The following MYBPC1 variants were observed in gnomAD, a reference collection of about 807,000 sequenced individuals.
MYBPC1 encodes the protein myosin binding protein C1.
In MYBPC1, 52 loss-of-function variants were observed where a neutral mutation model predicts 147.1. The ratio of observed to expected loss-of-function variants is 0.35; its 90% CI spans 0.28 to 0.45. The LOEUF (loss-of-function observed/expected upper bound fraction) is 0.45. MYBPC1 is among the 20% of genes least tolerant of loss of function. The pLI is 1.00. For missense variants in MYBPC1, 1,228 were observed against 1,440.3 expected (o/e 0.85, Z 2.39); for synonymous variants, 477 against 475.9 (o/e 1.00, Z -0.03).
In MYBPC1 at chr12:101,651,399, C is replaced by T. The variant is rs182084828; in HGVS notation, c.1526+6C>T. On this transcript the variant is annotated splice_donor_region_variant and intron_variant, in intron 16 of 31. Coordinates refer to ENST00000361466, the MANE Select transcript of MYBPC1 (RefSeq NM_002465.4). The stretch of plus-strand genomic sequence containing the variant: ...AAGGTGGTTCACAAGGGAAGGTAAG[C>T]GAGCCAGGTGACCCGCAAGTGAGGT... 3,556 of 1,613,906 alleles carry T rather than the reference C, an allele frequency of 2.2e-3. 38 individuals carry two copies. The highest frequency in any genetic ancestry group is 9.4e-4 in the Non-Finnish European group (1,105 of 1,179,834).
rs191920926 is a variant in MYBPC1 at position 101,676,586 on chromosome 12, C to G, written c.2950-649C>G. On this transcript the variant is annotated intron_variant, in intron 26 of 31. Coordinates refer to ENST00000361466, the MANE Select transcript of MYBPC1 (RefSeq NM_002465.4). Reference sequence around the variant, plus strand: ...CCTGGACAACATAGGGAGACCTCCTCTCTCTAAAAAATAAATTAGCTGGGT... The same window carrying G: ...CCTGGACAACATAGGGAGACCTCCTGTCTCTAAAAAATAAATTAGCTGGGT... Among the ~76,000 whole-genome samples, 167 of 152,078 alleles carry G rather than the reference C, an allele frequency of 1.1e-3. 3 individuals carry two copies. The highest frequency in any genetic ancestry group is 1.5e-4 in the Non-Finnish European group (10 of 67,980).
chr12:101,667,974 T>C (rs1314512193), intron 23 of MYBPC1, 75 bp downstream of exon 23: 20 of 1,493,434 alleles, frequency 1.3e-5, no homozygotes, highest in African/African-American at 2.8e-5. Flanking sequence ...CTACTTTCTT[T>C]CTCAAAACCT....
chr12:101,649,861 A>G (rs971973200), intron 15 of MYBPC1, among the ~76,000 whole-genome samples: 2 of 152,256 alleles, frequency 1.3e-5, no homozygotes, highest in African/African-American at 4.8e-5. Context: ...AGTAGGCTTC[A>G]GAGGCATGAG....
chr12:101,644,120 T>C (rs7133361), intron 11 of MYBPC1, among the ~76,000 whole-genome samples: 23,392 of 152,156 alleles, frequency 0.15, 1,946 homozygotes, highest in Middle Eastern at 0.27. Flanking sequence ...CACTGCAACC[T>C]CTGCCTCCCA....
chr12:101,597,187 G>T (rs545700040), intron 1 of MYBPC1, among the ~76,000 whole-genome samples: 12 of 152,252 alleles, frequency 7.9e-5, no homozygotes, highest in Admixed American at 1.3e-4. Context: ...TAGTTTGATT[G>T]CATATAAGCC....
chr12:101,641,115 G>GAAAAAAAAA (rs34380289), intron 10 of MYBPC1, among the ~76,000 whole-genome samples: 2 of 105,964 alleles, frequency 1.9e-5, no homozygotes, highest in Non-Finnish European at 3.8e-5. Context: ...CTGTCTCAAA[G>GAAAAAAAAA]AAAAAAAAAA....
At position 101,677,091 on chromosome 12, in the gene MYBPC1, A is replaced by G. The variant is rs1900166981; in HGVS notation, c.2950-144A>G. 5 of 748,324 alleles carry G rather than the reference A, an allele frequency of 6.7e-6. 1 individual carries two copies. The Admixed American group carries it at 1.4e-4, about 21-fold the overall frequency. The allele number at this position is 748,324 out of a possible 1,614,324, so 46.4% of individuals were successfully genotyped here. A position where few individuals can be genotyped will look rare whatever the true frequency, so the allele number is the denominator to read the frequency against. On this transcript the variant is annotated intron_variant, in intron 26 of 31. Coordinates refer to ENST00000361466, the MANE Select transcript of MYBPC1 (RefSeq NM_002465.4). ...TTGTTTCAACACATTTTAACAACAT[A>G]TATTATTACTCTCCATATAAAAATG...
rs146599952 is a variant in MYBPC1 at position 101,620,816 on chromosome 12, T to C, written c.103+3573T>C. On this transcript the variant is annotated intron_variant, in intron 3 of 31. Transcript: ENST00000361466. Reference sequence around the variant, plus strand: ...TTACATCTTATTAGCTTAGAGTCTGTATCTTTTCAATTGGTAAAGTTACTT... The same window carrying C: ...TTACATCTTATTAGCTTAGAGTCTGCATCTTTTCAATTGGTAAAGTTACTT... Among the ~76,000 whole-genome samples, 1,631 of 152,346 alleles carry C rather than the reference T, an allele frequency of 0.011. 48 individuals carry two copies. The South Asian group carries it at 0.12, about 11-fold the overall frequency.
chr12:101,689,485 G>A (rs193017179), downstream of MYBPC1, among the ~76,000 whole-genome samples: 5 of 152,244 alleles, frequency 3.3e-5, no homozygotes, highest in South Asian at 2.1e-4. Flanking sequence ...CCTGACAAGC[G>A]TGGACCTGGG....
chr12:101,601,507 T>G (rs1233193335), intron 1 of MYBPC1, among the ~76,000 whole-genome samples: 3 of 152,194 alleles, frequency 2.0e-5, no homozygotes, highest in Non-Finnish European at 4.4e-5. Context: ...GAGACCAGAA[T>G]CATTCAATCT....
downstream of MYBPC1, among the ~76,000 whole-genome samples, chr12:101,686,699 G>A (rs1464932037): frequency 6.6e-6 from 1 of 152,032 alleles, no homozygotes; most frequent in East Asian, 1.9e-4. Flanking sequence ...TGACTTGTTG[G>A]TGGGCCCATG....
At chr12:101,661,331 G>A in intron 20 of MYBPC1, 69 bp downstream of exon 20, 1 of 987,604 alleles carries the variant, frequency 1.0e-6, no homozygotes, top group Non-Finnish European at 1.6e-6. Context: ...TCTTAGTACA[G>A]AGCACATTTT....
chr12:101,608,862 C>A lies in MYBPC1; in HGVS notation c.26-5634C>A, dbSNP rs543045393. 2.3e-4 allele frequency among the ~76,000 whole-genome samples: 35 copies of A among 152,240 alleles called. 1 individual carries two copies. The South Asian group carries it at 6.4e-3, about 28-fold the overall frequency. Reference sequence around the variant, plus strand: ...TGTAAATGATGGAGCTGGGTGAATGCCCCTGGAGCCTTGGCCAGCGGGAGG... The same window carrying A: ...TGTAAATGATGGAGCTGGGTGAATGACCCTGGAGCCTTGGCCAGCGGGAGG... On this transcript the variant is annotated intron_variant, in intron 1 of 31. Transcript: ENST00000361466.
At chr12:101,656,060 T>C (rs1237144616) in intron 18 of MYBPC1, among the ~76,000 whole-genome samples, 2 of 152,094 alleles carry the variant, frequency 1.3e-5, no homozygotes, top group East Asian at 3.8e-4. Context: ...ATTAGGGACA[T>C]TTCATTATTT....
chr12:101,668,357 A>C lies in MYBPC1; in HGVS notation c.2524+458A>C, dbSNP rs1224121325. 2.6e-5 allele frequency among the ~76,000 whole-genome samples: 4 copies of C among 152,294 alleles called. No individual in the cohort carries two copies. In the South Asian group the frequency reaches 8.3e-4, roughly 32 times the overall value. On this transcript the variant is annotated intron_variant, in intron 23 of 31. Coordinates refer to ENST00000361466, the MANE Select transcript of MYBPC1 (RefSeq NM_002465.4). Reference sequence around the variant, plus strand: ...AGGTGAGTAAAACTGTTGATACCTTAGTATGAAATCAAGTCAGTGCCACGG... The same window carrying C: ...AGGTGAGTAAAACTGTTGATACCTTCGTATGAAATCAAGTCAGTGCCACGG...
rs1204226562 is a variant in MYBPC1, at chr12:101,673,409, T to C, written c.2614-18T>C. The C allele has an allele frequency of 5.6e-6, 9 of 1,609,814 alleles. No homozygotes were observed. The highest frequency in any genetic ancestry group is 7.6e-6 in the Non-Finnish European group (9 of 1,177,952). ...CAATATGATTTACCCTCTCTACTTT[T>C]GCTGTCTTTCTTTTTAGGGAAAACC... On this transcript the variant is annotated intron_variant, in intron 24 of 31. Coordinates refer to ENST00000361466, the MANE Select transcript of MYBPC1 (RefSeq NM_002465.4).
chr12:101,595,107 C>A lies in MYBPC1; in HGVS notation c.25+12C>A. On this transcript the variant is annotated intron_variant, in intron 1 of 31. Coordinates refer to ENST00000361466, the MANE Select transcript of MYBPC1 (RefSeq NM_002465.4). ...CACTAAGAAAGAGGGTAAGACTTAT[C>A]TAGAAATCTTTTTGTTGTACTCCTG... The A allele has an allele frequency of 6.2e-7, 1 of 1,608,722 alleles. No homozygotes were observed. The highest frequency in any genetic ancestry group is 2.2e-5 in the East Asian group (1 of 44,822).
chr12:101,680,651 G>C, intron 29 of MYBPC1, 122 bp downstream of exon 29: 1 of 1,202,480 alleles, frequency 8.3e-7, no homozygotes, highest in Non-Finnish European at 1.2e-6. Context: ...GGGTGGGAGA[G>C]GGTGGTGAGG....
intron 24 of MYBPC1, among the ~76,000 whole-genome samples, chr12:101,671,660 T>C (rs1055043678): frequency 6.6e-6 from 1 of 152,188 alleles, no homozygotes; most frequent in Non-Finnish European, 1.5e-5. Context: ...GCCCCAACCC[T>C]GCACTGGGGC....
Sources: gnomAD v4.1 joint callset for allele counts (sites outside exome capture counted in the v4.1 genomes callset) on GRCh38, gnomAD v4.1.1 for gene constraint, MANE v1.5 for transcripts, NCBI Gene and HGNC (gene_info 2026-07-23, HGNC 2026-07-21) for gene names.